Variants in PLPPR5 observed in about 807,000 individuals in gnomAD.
The protein encoded by PLPPR5 is phospholipid phosphatase related 5, also known as phospholipid phosphatase-related protein type 5.
Under a neutral mutation model 33.9 loss-of-function variants are expected in PLPPR5, and 16 were observed. The observed-to-expected ratio is 0.47, with a 90% CI of 0.32 to 0.72. PLPPR5 has a LOEUF of 0.72. Ranked by LOEUF, PLPPR5 falls within the 30% of genes least tolerant of loss-of-function variation. The pLI is 0.03. For missense variants in PLPPR5, 301 were observed against 406.7 expected, an observed-to-expected ratio of 0.74 and a Z score of 2.23; for synonymous variants, 163 against 150.3, an observed-to-expected ratio of 1.08 and a Z score of -0.62.
intron 3 of PLPPR5, among the ~76,000 whole-genome samples, chr1:98,937,495 CTG>C (rs1034926514): frequency 2.6e-5 from 4 of 151,838 alleles, no homozygotes; most frequent in African/African-American, 9.7e-5. Context: ...CACTGGAACA[CTG>C]GTGCTTGGAG....
intron 3 of PLPPR5, among the ~76,000 whole-genome samples, chr1:98,946,652 C>T (rs1461119823): frequency 6.6e-6 from 1 of 152,108 alleles, no homozygotes; most frequent in African/African-American, 2.4e-5. Context: ...TGATGCTTGC[C>T]AGCAGGACCT....
chr1:98,927,958 A>T (rs2101171018), intron 3 of PLPPR5, among the ~76,000 whole-genome samples: 1 of 152,074 alleles, frequency 6.6e-6, no homozygotes, highest in Non-Finnish European at 1.5e-5. Context: ...TCATAATAAA[A>T]TATTCAGATA....
At chr1:98,917,269 G>C (rs1045720646) in intron 4 of PLPPR5, among the ~76,000 whole-genome samples, 1 of 152,160 alleles carries the variant, frequency 6.6e-6, no homozygotes, top group East Asian at 1.9e-4. Flanking sequence ...CAAATATCTT[G>C]GTACCTAAAT....
At position 98,977,057 on chromosome 1, in the gene PLPPR5, G is replaced by A. The variant is rs145948962; in HGVS notation, c.238-20316C>T. 4.8e-3 allele frequency among the ~76,000 whole-genome samples: 728 copies of A among 152,104 alleles called. 5 individuals carry two copies. The highest frequency in any genetic ancestry group is 0.016 in the African/African-American group (672 of 41,534). The stretch of plus-strand genomic sequence containing the variant: ...CCTCTTTTGGCAGGCACATCTGATT[G>A]ATATTCTAGTTGAAATATAAATATG... On this transcript the variant is annotated intron_variant, in intron 1 of 5. Coordinates refer to ENST00000263177, the MANE Select transcript of PLPPR5 (RefSeq NM_001037317.2).
rs1648326232 is a variant in PLPPR5, at chr1:98,892,877, A to T, written c.*195T>A. 1 of 566,736 alleles carries T rather than the reference A, an allele frequency of 1.8e-6. No homozygotes were observed. The highest frequency in any genetic ancestry group is 3.0e-6 in the Non-Finnish European group (1 of 328,390). The allele number at this position is 566,736 out of a possible 1,614,324, so 35.1% of individuals were successfully genotyped here. A position where few individuals can be genotyped will look rare whatever the true frequency, so the allele number is the denominator to read the frequency against. ...TGTTGTAAGTGCTGGGGACACAGAA[A>T]AAAAAAGACAATCCTGCCCTCGAGG... On this transcript the variant is annotated 3_prime_UTR_variant, in exon 6 of 6. Transcript: ENST00000263177.
At chr1:98,905,363 T>C (rs983793052) in intron 5 of PLPPR5, among the ~76,000 whole-genome samples, 7 of 152,176 alleles carry the variant, frequency 4.6e-5, no homozygotes, top group African/African-American at 1.2e-4. Context: ...ATGTTTTCTA[T>C]ATTATAGACA....
Position 99,004,654 on chromosome 1 carries a change from C to T in PLPPR5, c.18G>A (p.Ala6=), listed in dbSNP as rs769599423. The T allele has an allele frequency of 6.2e-7, 1 of 1,611,144 alleles. No homozygotes were observed. The highest frequency in any genetic ancestry group is 1.3e-5 in the African/African-American group (1 of 74,762). Residue 6 remains alanine, a synonymous_variant, in exon 1 of 6, where the codon GCG becomes GCA. Transcript: ENST00000263177. MPLLP[A]ALTSSMLYFQ... The stretch of plus-strand genomic sequence containing the variant: ...AATAGAGCATGCTGCTGGTGAGCGC[C>T]GCGGGCAGCAGGGGCATGCACGCCT...
intron 1 of PLPPR5, among the ~76,000 whole-genome samples, chr1:98,999,900 T>C (rs1454215337): frequency 6.6e-6 from 1 of 152,210 alleles, no homozygotes; most frequent in Admixed American, 6.5e-5. Context: ...CCGTGCTCAG[T>C]GTCCAGGGCT....
intron 3 of PLPPR5, among the ~76,000 whole-genome samples, chr1:98,948,877 G>T (rs1288931748): frequency 6.6e-6 from 1 of 152,132 alleles, no homozygotes; most frequent in Admixed American, 6.6e-5. Flanking sequence ...GTTGTTTTAA[G>T]GTCTAGGGTG....
At position 99,000,663 on chromosome 1, in the gene PLPPR5, C is replaced by T. The variant is rs551606509; in HGVS notation, c.237+3772G>A. 1.2e-4 allele frequency among the ~76,000 whole-genome samples: 18 copies of T among 152,302 alleles called. 1 individual carries two copies. The South Asian group carries it at 3.7e-3, about 32-fold the overall frequency. Reference sequence around the variant, plus strand: ...CACCATCTTCTCCATGAAGCCTTTCCTCATGTCTCCAAACAAAAGTGATCT... The same window carrying T: ...CACCATCTTCTCCATGAAGCCTTTCTTCATGTCTCCAAACAAAAGTGATCT... On this transcript the variant is annotated intron_variant, in intron 1 of 5. Coordinates refer to ENST00000263177, the MANE Select transcript of PLPPR5 (RefSeq NM_001037317.2).
Position 98,896,679 on chromosome 1 carries a change from A to C in PLPPR5, c.934-3575T>G, listed in dbSNP as rs192876874. On this transcript the variant is annotated intron_variant, in intron 5 of 5. Transcript: ENST00000263177. ...TCTGGTCCTTGAGTGCAGGGGTCAC[A>C]AGAGAAAGCAAACACGTTTCTGGGA... Among the ~76,000 whole-genome samples the C allele has an allele frequency of 7.1e-3, 1,076 of 152,212 alleles. 10 individuals are homozygous for C. Among genetic ancestry groups the C allele is most frequent in the African/African-American group, 0.025 (1,025 of 41,544 alleles).
chr1:98,941,556 T>A (rs200805722), intron 3 of PLPPR5, among the ~76,000 whole-genome samples: 5 of 7,330 alleles, frequency 6.8e-4, no homozygotes, highest in African/African-American at 3.6e-3. Flanking sequence ...GGTTGTGGGA[T>A]TTTTTTTTTT....
intron 1 of PLPPR5, among the ~76,000 whole-genome samples, chr1:98,967,001 C>T (rs1570741308): frequency 6.6e-6 from 1 of 152,046 alleles, no homozygotes; most frequent in East Asian, 1.9e-4. Flanking sequence ...TCAACAAGTT[C>T]TCTAAGCTCT....
intron 5 of PLPPR5, among the ~76,000 whole-genome samples, chr1:98,897,128 C>A (rs1237843805): frequency 1.3e-5 from 2 of 152,170 alleles, no homozygotes; most frequent in African/African-American, 4.8e-5. Context: ...ACAACAGCAA[C>A]CAAAAGCTCT....
intron 5 of PLPPR5, among the ~76,000 whole-genome samples, chr1:98,894,105 T>C (rs1648382190): frequency 6.6e-6 from 1 of 152,110 alleles, no homozygotes. Context: ...AGGAATCTCA[T>C]TGACTACAAT....
At chr1:98,966,107 T>G (rs1289948919) in intron 1 of PLPPR5, among the ~76,000 whole-genome samples, 1 of 152,204 alleles carries the variant, frequency 6.6e-6, no homozygotes, top group Non-Finnish European at 1.5e-5. Flanking sequence ...AGTCTCAGGG[T>G]CTTTTCCAGA....
intron 1 of PLPPR5, among the ~76,000 whole-genome samples, chr1:98,957,608 A>G (rs940291548): frequency 2.0e-5 from 3 of 152,278 alleles, no homozygotes; most frequent in East Asian, 1.9e-4. Flanking sequence ...TCATATTAAT[A>G]CTTTTATAAA....
chr1:98,907,297 G>C (rs945282889), intron 5 of PLPPR5, among the ~76,000 whole-genome samples: 1 of 150,742 alleles, frequency 6.6e-6, no homozygotes, highest in South Asian at 2.1e-4. Flanking sequence ...TGCCCCCCAG[G>C]TTCAAGCGAT....
intron 3 of PLPPR5, among the ~76,000 whole-genome samples, chr1:98,924,965 AT>A (rs1649700098): frequency 6.6e-6 from 1 of 152,204 alleles, no homozygotes; most frequent in Non-Finnish European, 1.5e-5. Flanking sequence ...TAATGCACAA[AT>A]TTTTCTGCAG....
Sources: gnomAD v4.1 joint callset for allele counts (sites outside exome capture counted in the v4.1 genomes callset) on GRCh38, gnomAD v4.1.1 for gene constraint, MANE v1.5 for transcripts, NCBI Gene and HGNC (gene_info 2026-07-23, HGNC 2026-07-21) for gene names.